FHIT: variants seen among roughly 807,000 people sequenced by gnomAD.
FHIT encodes fragile histidine triad diadenosine triphosphatase.
Under a neutral mutation model 17.9 loss-of-function variants are expected in FHIT, and 19 were observed. That is an observed-to-expected ratio of 1.06 (90% CI 0.74 to 1.56). The LOEUF (loss-of-function observed/expected upper bound fraction) is 1.56. Ranked by LOEUF, FHIT falls within the 40% of genes most tolerant of loss-of-function variation. The pLI is 0.00. For synonymous variants in FHIT, 81 were observed against 69.7 expected, an observed-to-expected ratio of 1.16 and a Z score of -0.81; for missense variants, 248 against 189.2, an observed-to-expected ratio of 1.31 and a Z score of -1.82.
intron 5 of FHIT, among the ~76,000 whole-genome samples, chr3:60,040,597 C>T (rs1202766418): frequency 6.6e-6 from 1 of 152,170 alleles, no homozygotes; most frequent in African/African-American, 2.4e-5. Flanking sequence ...CTGGTTCTGG[C>T]TCTCTCATGC....
chr3:60,187,280 C>CA (rs1182543606), intron 5 of FHIT, among the ~76,000 whole-genome samples: 2 of 152,014 alleles, frequency 1.3e-5, no homozygotes, highest in Non-Finnish European at 2.9e-5. Context: ...ATTGGCTTCA[C>CA]AAAATAAAAG....
At chr3:60,455,155 G>A (rs1270194903) in intron 5 of FHIT, among the ~76,000 whole-genome samples, 4 of 152,056 alleles carry the variant, frequency 2.6e-5, no homozygotes, top group African/African-American at 7.2e-5. Context: ...ATGAAAGAAG[G>A]GAAAGGAAGG....
rs560459436 is a variant in FHIT at position 60,066,467 on chromosome 3, G to A, written c.104-52315C>T. Among the ~76,000 whole-genome samples the A allele has an allele frequency of 2.0e-5, 3 of 152,128 alleles. No homozygotes were observed. In the East Asian group the frequency reaches 5.8e-4, roughly 29 times the overall value. On this transcript the variant is annotated intron_variant, in intron 5 of 9. Coordinates refer to ENST00000492590, the MANE Select transcript of FHIT (RefSeq NM_002012.4). ...CATTATATTCTCATGTCCACAGCAT[G>A]TGTTTAGAAATATGTGGATAACAAG...
At chr3:60,284,379 G>C (rs17062691) in intron 5 of FHIT, among the ~76,000 whole-genome samples, 3,623 of 152,174 alleles carry the variant, frequency 0.024, 140 homozygotes, top group African/African-American at 0.083. Flanking sequence ...TCCAAACATA[G>C]TATGTGGCAG....
chr3:61,045,472 C>G (rs1487671279), intron 2 of FHIT, among the ~76,000 whole-genome samples: 2 of 152,082 alleles, frequency 1.3e-5, no homozygotes, highest in African/African-American at 4.8e-5. Flanking sequence ...AATATAGGAG[C>G]ACCCAGATTC....
At chr3:60,195,753 T>A (rs890927514) in intron 5 of FHIT, among the ~76,000 whole-genome samples, 1 of 151,444 alleles carries the variant, frequency 6.6e-6, no homozygotes, top group Non-Finnish European at 1.5e-5. Flanking sequence ...GAGGCCATTA[T>A]TCTAAGTGAC....
chr3:61,056,409 C>T (rs946748271), intron 2 of FHIT, among the ~76,000 whole-genome samples: 2 of 152,186 alleles, frequency 1.3e-5, no homozygotes, highest in Non-Finnish European at 2.9e-5. Context: ...AACCTAAGTC[C>T]ATTCTCAATG....
At chr3:60,411,804 T>C (rs1702071086) in intron 5 of FHIT, among the ~76,000 whole-genome samples, 1 of 152,136 alleles carries the variant, frequency 6.6e-6, no homozygotes, top group Admixed American at 6.6e-5. Flanking sequence ...GCCACAAATA[T>C]ATTGGAGCTG....
intron 5 of FHIT, among the ~76,000 whole-genome samples, chr3:60,339,009 T>C (rs1405746290): frequency 6.6e-6 from 1 of 152,156 alleles, no homozygotes; most frequent in Non-Finnish European, 1.5e-5. Flanking sequence ...CCACAGAAGA[T>C]ACCATCTGGC....
chr3:60,219,572 A>G (rs543361307), intron 5 of FHIT, among the ~76,000 whole-genome samples: 8 of 152,306 alleles, frequency 5.3e-5, no homozygotes, highest in Admixed American at 2.0e-4. Context: ...TCAATTTAAA[A>G]TATATAATTA....
At chr3:60,105,099 G>C (rs1344220649) in intron 5 of FHIT, among the ~76,000 whole-genome samples, 1 of 152,138 alleles carries the variant, frequency 6.6e-6, no homozygotes, top group Non-Finnish European at 1.5e-5. Context: ...TTTTAATTAA[G>C]ATCACTCATT....
chr3:60,389,235 G>T (rs1701130023), intron 5 of FHIT, among the ~76,000 whole-genome samples: 1 of 152,138 alleles, frequency 6.6e-6, no homozygotes, highest in Admixed American at 6.5e-5. Flanking sequence ...TGGAGCAAGG[G>T]CCTACCTGCC....
At chr3:59,906,324 C>A (rs1704582907) in intron 8 of FHIT, among the ~76,000 whole-genome samples, 1 of 152,150 alleles carries the variant, frequency 6.6e-6, no homozygotes, top group Admixed American at 6.5e-5. Flanking sequence ...CAAGTTGGGG[C>A]TTCTTAATGT....
chr3:59,927,103 G>A (rs895787003), intron 7 of FHIT, among the ~76,000 whole-genome samples: 2 of 152,054 alleles, frequency 1.3e-5, no homozygotes, highest in African/African-American at 2.4e-5. Context: ...GGTAAACAAA[G>A]TGCAGTATAT....
chr3:60,564,135 T>C (rs2037050424), intron 4 of FHIT, among the ~76,000 whole-genome samples: 1 of 152,102 alleles, frequency 6.6e-6, no homozygotes, highest in African/African-American at 2.4e-5. Context: ...CCTGGATCCC[T>C]TAAGAATGAT....
chr3:60,668,911 C>T (rs2040445241), intron 4 of FHIT, among the ~76,000 whole-genome samples: 1 of 152,080 alleles, frequency 6.6e-6, no homozygotes, highest in Admixed American at 6.6e-5. Context: ...GTACCATTAC[C>T]AGAGTTGGTA....
At chr3:59,843,681 A>G (rs1376160420) in intron 8 of FHIT, among the ~76,000 whole-genome samples, 1 of 151,382 alleles carries the variant, frequency 6.6e-6, no homozygotes, top group East Asian at 1.9e-4. Flanking sequence ...TTCTTTTCAG[A>G]TTGTTGTTAG....
chr3:60,235,471 C>A (rs575291673), intron 5 of FHIT, among the ~76,000 whole-genome samples: 111 of 152,230 alleles, frequency 7.3e-4, no homozygotes, highest in African/African-American at 2.6e-3. Context: ...ACCTCGTGAT[C>A]TGCTGGCCTC....
chr3:59,771,734 T>C (rs1702082967), intron 8 of FHIT, among the ~76,000 whole-genome samples: 1 of 152,184 alleles, frequency 6.6e-6, no homozygotes, highest in African/African-American at 2.4e-5. Flanking sequence ...GTGCACAAGC[T>C]CACACTCAAG....
Sources: allele counts gnomAD v4.1 joint callset (sites outside exome capture counted in the v4.1 genomes callset), GRCh38; gene constraint gnomAD v4.1.1; transcripts MANE v1.5; gene names NCBI Gene and HGNC (gene_info 2026-07-23, HGNC 2026-07-21).